Variants in FER1L6 observed in about 807,000 individuals in gnomAD.
FER1L6 encodes fer-1-like protein 6.
FER1L6 carries 177 observed loss-of-function variants against 219.2 expected under a neutral mutation model. The observed-to-expected ratio is 0.81, with a 90% CI of 0.71 to 0.91. The LOEUF is 0.91. Ranked by LOEUF, FER1L6 falls within the 40% of genes least tolerant of loss-of-function variation. The probability of loss-of-function intolerance (pLI) is 0.00; values close to 1 mark genes in which losing one functional copy is unlikely to be tolerated. For missense variants in FER1L6, 2,153 were observed against 2,259.9 expected (o/e 0.95, Z 0.96); for synonymous variants, 768 against 824.3 (o/e 0.93, Z 1.17).
intron 39 of FER1L6, among the ~76,000 whole-genome samples, chr8:124,110,344 G>T (rs10108094): frequency 0.02 from 3,019 of 152,224 alleles, 102 homozygotes; most frequent in African/African-American, 0.069. Flanking sequence ...TTGCCTCATA[G>T]CACACAGCTA....
chr8:124,017,656 C>G lies in FER1L6; in HGVS notation c.1951C>G (p.Pro651Ala). 6.2e-7 allele frequency: 1 copy of G among 1,613,540 alleles called. No individual in the cohort carries two copies. Among genetic ancestry groups the G allele is most frequent in the Non-Finnish European group, 8.5e-7 (1 of 1,179,594 alleles). ...SAFISEAEKK[P>A]KMLNQTTLDK... Reference sequence around the variant, plus strand: ...CTTTATCTCTGAAGCAGAAAAAAAGCCCAAGATGTTGAACCAAACCACTTT... The same window carrying G: ...CTTTATCTCTGAAGCAGAAAAAAAGGCCAAGATGTTGAACCAAACCACTTT... Residue 651 changes from proline (P) to alanine (A), a missense_variant, in exon 16 of 41, where the codon CCC becomes GCC. Coordinates refer to ENST00000522917, the MANE Select transcript of FER1L6 (RefSeq NM_001039112.2).
intron 39 of FER1L6, among the ~76,000 whole-genome samples, chr8:124,113,970 A>C (rs1448019177): frequency 1.3e-5 from 2 of 152,210 alleles, no homozygotes. Context: ...CTCTGCCGTT[A>C]GCAAAGGGTA....
intron 32 of FER1L6, among the ~76,000 whole-genome samples, chr8:124,081,171 C>T (rs545821594): frequency 2.0e-5 from 3 of 152,252 alleles, no homozygotes; most frequent in Admixed American, 6.5e-5. Flanking sequence ...CTTTGTCTAT[C>T]GCTCCCAGCC....
chr8:123,889,214 C>T lies in FER1L6; in HGVS notation c.-8+37029C>T, dbSNP rs1817258470. 2.0e-5 allele frequency among the ~76,000 whole-genome samples: 3 copies of T among 152,120 alleles called. No individual in the cohort carries two copies. In the South Asian group the frequency reaches 6.2e-4, roughly 32 times the overall value. On this transcript the variant is annotated intron_variant, in intron 1 of 40. Coordinates refer to ENST00000522917, the MANE Select transcript of FER1L6 (RefSeq NM_001039112.2). ...AATCTTCTGAATTATTGGTGAGAAT[C>T]CCCATGTAGTTAACTTTAAGTTTCT...
intron 12 of FER1L6, among the ~76,000 whole-genome samples, chr8:123,993,416 T>A (rs1449303842): frequency 7.6e-6 from 1 of 131,660 alleles, no homozygotes; most frequent in African/African-American, 3.0e-5. Context: ...CACTCCAGCC[T>A]GGGCGACAGA....
At chr8:123,972,845 A>G (rs906905170) in intron 6 of FER1L6, among the ~76,000 whole-genome samples, 2 of 152,230 alleles carry the variant, frequency 1.3e-5, no homozygotes, top group African/African-American at 4.8e-5. Flanking sequence ...TCAACCTGGC[A>G]CCAGCTCTGC....
At chr8:123,910,920 A>T (rs562054046) in intron 1 of FER1L6, among the ~76,000 whole-genome samples, 1 of 152,342 alleles carries the variant, frequency 6.6e-6, no homozygotes, top group East Asian at 1.9e-4. Context: ...CTTTAGAGTC[A>T]GAAGTTTAAC....
intron 39 of FER1L6, among the ~76,000 whole-genome samples, chr8:124,112,319 T>A (rs540379642): frequency 7.9e-4 from 121 of 152,296 alleles, no homozygotes; most frequent in Admixed American, 2.2e-3. Context: ...CCCAGCAGTA[T>A]CATTTAGACA....
In FER1L6 at chr8:123,978,967, G is replaced by A. The variant is rs146891867; in HGVS notation, c.1063+1358G>A. ...TACAACCTTTTAGGAACATCTTGAT[G>A]GCATTCAGGAAGATATACATCAGTG... On this transcript the variant is annotated intron_variant, in intron 10 of 40. Transcript: ENST00000522917. Among the ~76,000 whole-genome samples, 214 of 152,246 alleles carry A rather than the reference G, an allele frequency of 1.4e-3. 1 individual carries two copies. The highest frequency in any genetic ancestry group is 5.0e-3 in the African/African-American group (207 of 41,536).
At chr8:124,087,500 G>A (rs1821832564) in intron 33 of FER1L6, among the ~76,000 whole-genome samples, 1 of 152,032 alleles carries the variant, frequency 6.6e-6, no homozygotes, top group African/African-American at 2.4e-5. Flanking sequence ...ATTTTGTTGA[G>A]CTTCCTTAAT....
chr8:124,090,161 C>T (rs1397010919), intron 33 of FER1L6, among the ~76,000 whole-genome samples: 2 of 152,180 alleles, frequency 1.3e-5, no homozygotes, highest in South Asian at 2.1e-4. Flanking sequence ...CCAATTTACA[C>T]CGTAACAGAC....
At chr8:123,949,223 A>G (rs915460980) in intron 1 of FER1L6, among the ~76,000 whole-genome samples, 2 of 152,226 alleles carry the variant, frequency 1.3e-5, no homozygotes, top group East Asian at 1.9e-4. Flanking sequence ...TCCATTTGGA[A>G]AAGTCTGAAT....
chr8:124,081,875 A>G (rs1389886051), intron 32 of FER1L6, among the ~76,000 whole-genome samples: 1 of 152,230 alleles, frequency 6.6e-6, no homozygotes, highest in Non-Finnish European at 1.5e-5. Context: ...GCTAAATTAT[A>G]AAGAAGACAT....
chr8:124,094,841 T>G (rs2130958608), intron 34 of FER1L6, 55 bp from the exon 35 acceptor site: 2 of 1,594,220 alleles, frequency 1.3e-6, no homozygotes, highest in African/African-American at 2.7e-5. Flanking sequence ...TGGCAGCCCA[T>G]CACTGTCTCC....
intron 2 of FER1L6, among the ~76,000 whole-genome samples, chr8:123,958,641 C>T (rs1815126800): frequency 6.6e-6 from 1 of 151,938 alleles, no homozygotes; most frequent in African/African-American, 2.4e-5. Context: ...CCATCTGTTA[C>T]CTATTGGGAC....
At chr8:124,091,265 C>G (rs1822016387) in intron 33 of FER1L6, among the ~76,000 whole-genome samples, 158 bp from the exon 34 acceptor site, 1 of 152,204 alleles carries the variant, frequency 6.6e-6, no homozygotes, top group Non-Finnish European at 1.5e-5. Flanking sequence ...GAAGTCTTGC[C>G]TTTCAGGCAA....
chr8:124,084,823 T>G (rs1469668567), intron 33 of FER1L6, among the ~76,000 whole-genome samples: 1 of 152,140 alleles, frequency 6.6e-6, no homozygotes, highest in East Asian at 1.9e-4. Flanking sequence ...TCTTTGTTTT[T>G]CAGATTGGTA....
chr8:123,862,274 A>G (rs1816758999), intron 1 of FER1L6, among the ~76,000 whole-genome samples: 1 of 96,390 alleles, frequency 1.0e-5, no homozygotes, highest in East Asian at 2.2e-4. Flanking sequence ...TATATGCTGG[A>G]TTGCATTTAT....
intron 1 of FER1L6, among the ~76,000 whole-genome samples, chr8:123,898,816 CAT>C (rs1491492178): frequency 9.4e-6 from 1 of 106,758 alleles, no homozygotes; most frequent in African/African-American, 3.2e-5. Context: ...CATATATATA[CAT>C]ATGTGTATAT....
Sources: allele counts gnomAD v4.1 joint callset (sites outside exome capture counted in the v4.1 genomes callset), GRCh38; gene constraint gnomAD v4.1.1; transcripts MANE v1.5; gene names NCBI Gene and HGNC (gene_info 2026-07-23, HGNC 2026-07-21).